Variants in SDR9C7 observed in about 807,000 individuals in gnomAD.
The protein encoded by SDR9C7 is short-chain dehydrogenase/reductase family 9C member 7.
A neutral mutation model predicts 23.6 loss-of-function variants in SDR9C7; 11 were observed. That is an observed-to-expected ratio of 0.47 (90% CI 0.29 to 0.77). The LOEUF is 0.77. Ranked by LOEUF, SDR9C7 falls within the 30% of genes least tolerant of loss-of-function variation. The pLI, the probability that SDR9C7 is intolerant of heterozygous loss-of-function variation, is 0.09. For synonymous variants in SDR9C7, 167 were observed against 157.3 expected, an observed-to-expected ratio of 1.06 and a Z score of -0.46; for missense variants, 387 against 407.1, an observed-to-expected ratio of 0.95 and a Z score of 0.42.
chr12:56,933,851 C>T, intron 1 of SDR9C7, 110 bp downstream of exon 1: 1 of 1,330,564 alleles, frequency 7.5e-7, no homozygotes, highest in Non-Finnish European at 1.0e-6. Flanking sequence ...CCTACATCAC[C>T]CCTCCCACCC....
chr12:56,933,999 G>T lies in SDR9C7; in HGVS notation c.263C>A (p.Ala88Glu), dbSNP rs774100146. 1 of 1,612,474 alleles carries T rather than the reference G, an allele frequency of 6.2e-7. No individual in the cohort carries two copies. The highest frequency in any genetic ancestry group is 8.5e-7 in the Non-Finnish European group (1 of 1,178,572). The change falls in exon 1 of 4, where the codon GCG becomes GAG. Residue 88 changes from alanine to glutamate, a missense_variant. Ala to Glu is a moderately radical substitution (Grantham distance 107). Coordinates refer to ENST00000293502, the MANE Select transcript of SDR9C7 (RefSeq NM_148897.3). The part of the protein sequence containing the change: ...LDVTKSESIK[A>E]AAQWVRDKVG... ...TTTGTCCCTCACCCACTGGGCCGCC[G>T]CCTTGATGCTTTCGCTCTTGGTGAC...
rs1429787730 is a variant in SDR9C7, at chr12:56,923,265, T to C, written c.*568A>G. 1 of 152,244 alleles carries C rather than the reference T, an allele frequency of 6.6e-6. No homozygotes were observed. Among genetic ancestry groups the C allele is most frequent in the Non-Finnish European group, 1.5e-5 (1 of 68,070 alleles). 9.4% of individuals were successfully genotyped at this position (152,244 alleles called of 1,614,324 possible). A position where few individuals can be genotyped will look rare whatever the true frequency, so the allele number is the denominator to read the frequency against. ...GGTGATTAAATAAATGAATGTTATT[T>C]CATGTGGATCCCAATAACCTATAGA... On this transcript the variant is annotated 3_prime_UTR_variant, in exon 4 of 4. Coordinates refer to ENST00000293502, the MANE Select transcript of SDR9C7 (RefSeq NM_148897.3).
At chr12:56,930,611 A>G (rs1439428944) in intron 1 of SDR9C7, 127 bp from the exon 2 acceptor site, 1 of 1,054,004 alleles carries the variant, frequency 9.5e-7, no homozygotes, top group Non-Finnish European at 1.3e-6. Context: ...CGGTCAGGCT[A>G]TAACATAAAA....
chr12:56,931,396 A>T (rs542274253), intron 1 of SDR9C7, among the ~76,000 whole-genome samples: 2 of 151,772 alleles, frequency 1.3e-5, no homozygotes, highest in African/African-American at 4.8e-5. Flanking sequence ...AATATATAAA[A>T]TATTTAAATA....
At chr12:56,924,745 A>G (rs1270099727) in intron 3 of SDR9C7, among the ~76,000 whole-genome samples, 1 of 152,182 alleles carries the variant, frequency 6.6e-6, no homozygotes, top group East Asian at 1.9e-4. Flanking sequence ...ACATGGTGAC[A>G]CCTTGTCTCT....
intron 3 of SDR9C7, 35 bp downstream of exon 3, chr12:56,929,355 C>A: frequency 6.3e-7 from 1 of 1,587,844 alleles, no homozygotes; most frequent in Non-Finnish European, 8.6e-7. Context: ...CCACTCGCCC[C>A]CCTCAGAGAC....
In SDR9C7 at chr12:56,929,518, A is replaced by G. The variant is rs1208791510; in HGVS notation, c.596T>C (p.Ile199Thr). Residue 199 changes from isoleucine to threonine, a missense_variant, in exon 3 of 4, where the codon ATC (isoleucine) becomes ACC (threonine). Physicochemically the swap from Ile to Thr is moderately conservative, Grantham distance 89. Coordinates refer to ENST00000293502, the MANE Select transcript of SDR9C7 (RefSeq NM_148897.3). ...ELYYFGVKVC[I>T]IEPGNYRTAI... ...TGTCCGATAGTTCCCTGGCTCAATG[A>G]TGCAGACTTTCACCCCAAAGTAGTA... 8 of 1,611,836 alleles carry G rather than the reference A, an allele frequency of 5.0e-6. No homozygotes were observed. The highest frequency in any genetic ancestry group is 6.8e-6 in the Non-Finnish European group (8 of 1,178,176).
chr12:56,931,118 C>G (rs1277845860), intron 1 of SDR9C7, among the ~76,000 whole-genome samples: 2 of 151,872 alleles, frequency 1.3e-5, no homozygotes, highest in African/African-American at 4.8e-5. Flanking sequence ...GCCTGTAGTT[C>G]TAGCTACTTG....
Position 56,934,315 on chromosome 12 carries a change from A to G in SDR9C7, c.-54T>C. 6.6e-7 allele frequency: 1 copy of G among 1,504,184 alleles called. No individual in the cohort carries two copies. Among genetic ancestry groups the G allele is most frequent in the Admixed American group, 1.8e-5 (1 of 56,488 alleles). The allele number at this position is 1,504,184 out of a possible 1,614,324, so 93.2% of individuals were successfully genotyped here. ...GGACTGGGCTCAGGAGACAGCAGGGAAGAAGCTGGTCCTCTGAGCCCTAGC... is the reference window on the plus strand; with the variant it reads ...GGACTGGGCTCAGGAGACAGCAGGGGAGAAGCTGGTCCTCTGAGCCCTAGC... On this transcript the variant is annotated 5_prime_UTR_variant, in exon 1 of 4. Coordinates refer to ENST00000293502, the MANE Select transcript of SDR9C7 (RefSeq NM_148897.3).
chr12:56,934,157 A>G lies in SDR9C7; in HGVS notation c.105T>C (p.Ser35=), dbSNP rs1380877337. 2 of 1,614,240 alleles carry G rather than the reference A, an allele frequency of 1.2e-6. No homozygotes were observed. Among genetic ancestry groups the G allele is most frequent in the Non-Finnish European group, 1.7e-6 (2 of 1,180,046 alleles). Reference sequence around the variant, plus strand: ...GTTTGGCCAGCAGGTTCCCGAAGCCAGAGTCACAGCCTGTGATGAAGACGT... The same window carrying G: ...GTTTGGCCAGCAGGTTCCCGAAGCCGGAGTCACAGCCTGTGATGAAGACGT... ...EKYVFITGCD[S]GFGNLLAKQL... Residue 35 remains serine, a synonymous_variant, in exon 1 of 4, where the codon TCT becomes TCC. Coordinates refer to ENST00000293502, the MANE Select transcript of SDR9C7 (RefSeq NM_148897.3).
At chr12:56,924,676 T>C (rs910742804) in intron 3 of SDR9C7, among the ~76,000 whole-genome samples, 6 of 152,186 alleles carry the variant, frequency 3.9e-5, no homozygotes, top group African/African-American at 1.4e-4. Context: ...ATCCCAGTAC[T>C]TTGGGATGCC....
chr12:56,931,075 A>G (rs1955765739), intron 1 of SDR9C7, among the ~76,000 whole-genome samples: 1 of 152,096 alleles, frequency 6.6e-6, no homozygotes, highest in African/African-American at 2.4e-5. Context: ...TCTACAAAAA[A>G]AGAAAAAAAA....
At chr12:56,924,457 C>T (rs375285530) in intron 3 of SDR9C7, among the ~76,000 whole-genome samples, 57 of 134,264 alleles carry the variant, frequency 4.2e-4, no homozygotes, top group Non-Finnish European at 6.5e-4. Flanking sequence ...AATAAATAAA[C>T]AAATAGTCTT....
chr12:56,934,032 AG>A lies in SDR9C7; in HGVS notation c.229del (p.Leu77TyrfsTer17). 6 of 1,614,214 alleles carry A rather than the reference AG, an allele frequency of 3.7e-6. No homozygotes were observed. Among genetic ancestry groups the A allele is most frequent in the Non-Finnish European group, 5.1e-6 (6 of 1,180,026 alleles). On this transcript the variant is annotated frameshift_variant, in exon 1 of 4. Coordinates refer to ENST00000293502, the MANE Select transcript of SDR9C7 (RefSeq NM_148897.3). LOFTEE classifies it high-confidence loss of function. Reference sequence around the variant, plus strand: ...GCTTTCGCTCTTGGTGACATCCAGTAGGGTGGTCTGCAGCCGATAGGAGGTA... The same window carrying A: ...GCTTTCGCTCTTGGTGACATCCAGTAGGTGGTCTGCAGCCGATAGGAGGTA... ...RDTSYRLQTT[L>X]LDVTKSESIK...
intron 1 of SDR9C7, 57 bp downstream of exon 1, chr12:56,933,901 GGGA>G: frequency 1.3e-6 from 2 of 1,542,818 alleles, no homozygotes; most frequent in Non-Finnish European, 1.8e-6. Flanking sequence ...CAGATGCTTC[GGGA>G]GAGAGGAAGA....
In SDR9C7 at chr12:56,923,381, G is replaced by A. The variant is rs1405653823; in HGVS notation, c.*452C>T. On this transcript the variant is annotated 3_prime_UTR_variant, in exon 4 of 4. Transcript: ENST00000293502. Reference sequence around the variant, plus strand: ...CTGCCCTACCGCATACTTCAGTAATGGGTTATGTGAATGAAGTTATGCATA... The same window carrying A: ...CTGCCCTACCGCATACTTCAGTAATAGGTTATGTGAATGAAGTTATGCATA... 1 of 155,378 alleles carries A rather than the reference G, an allele frequency of 6.4e-6. No individual in the cohort carries two copies. The highest frequency in any genetic ancestry group is 1.4e-5 in the Non-Finnish European group (1 of 70,144). The allele number at this position is 155,378 out of a possible 1,614,324, so 9.6% of individuals were successfully genotyped here. A position where few individuals can be genotyped will look rare whatever the true frequency, so the allele number is the denominator to read the frequency against.
At chr12:56,933,138 G>C (rs1296093982) in intron 1 of SDR9C7, among the ~76,000 whole-genome samples, 1 of 152,084 alleles carries the variant, frequency 6.6e-6, no homozygotes, top group African/African-American at 2.4e-5. Flanking sequence ...ATACATACTT[G>C]CCCTGAAGTC....
chr12:56,930,537 A>G (rs189993808), intron 1 of SDR9C7, 53 bp from the exon 2 acceptor site: 1 of 1,593,204 alleles, frequency 6.3e-7, no homozygotes, highest in East Asian at 2.3e-5. Context: ...GGAAAGAACC[A>G]AGTTCTGCTC....
chr12:56,926,120 T>C (rs1205604266), intron 3 of SDR9C7, among the ~76,000 whole-genome samples: 1 of 152,182 alleles, frequency 6.6e-6, no homozygotes, highest in East Asian at 1.9e-4. Flanking sequence ...AATGTTTTTG[T>C]TATTGGGAGA....
Sources: allele counts gnomAD v4.1 joint callset (sites outside exome capture counted in the v4.1 genomes callset), GRCh38; gene constraint gnomAD v4.1.1; transcripts MANE v1.5; gene names NCBI Gene and HGNC (gene_info 2026-07-23, HGNC 2026-07-21).